Variants in ROR2 observed in about 807,000 individuals in gnomAD.
ROR2 encodes the protein tyrosine-protein kinase transmembrane receptor ROR2.
In ROR2, 33 loss-of-function variants were observed where a neutral mutation model predicts 74.9. The observed-to-expected ratio is 0.44, with a 90% CI of 0.33 to 0.59. The LOEUF (loss-of-function observed/expected upper bound fraction) is 0.59. Among genes scored for constraint, ROR2 ranks in the 20% least tolerant of loss-of-function variants. The pLI is 0.02. For missense variants in ROR2, 1,216 were observed against 1,313.8 expected, an observed-to-expected ratio of 0.93 and a Z score of 1.15; for synonymous variants, 586 against 558.7, an observed-to-expected ratio of 1.05 and a Z score of -0.69.
At chr9:91,876,112 C>T (rs938663640) in intron 1 of ROR2, among the ~76,000 whole-genome samples, 7 of 152,050 alleles carry the variant, frequency 4.6e-5, no homozygotes, top group Non-Finnish European at 7.4e-5. Context: ...GTGGCTCCCA[C>T]CTGGAATCCC....
intron 1 of ROR2, among the ~76,000 whole-genome samples, chr9:91,868,300 C>T (rs1365272739): frequency 2.0e-5 from 3 of 151,516 alleles, no homozygotes; most frequent in African/African-American, 7.3e-5. Context: ...ACAAGGTGAA[C>T]AAAAGAGAAA....
intron 1 of ROR2, among the ~76,000 whole-genome samples, chr9:91,806,652 C>T (rs374162824): frequency 8.2e-4 from 125 of 152,266 alleles, no homozygotes; most frequent in Middle Eastern, 3.4e-3. Context: ...TGCAGTGGCA[C>T]GATCTCAGCT....
At chr9:91,790,136 T>C (rs1826923335) in intron 1 of ROR2, among the ~76,000 whole-genome samples, 1 of 152,184 alleles carries the variant, frequency 6.6e-6, no homozygotes, top group African/African-American at 2.4e-5. Context: ...AGTTACATTG[T>C]AGTGTGATGC....
At chr9:91,887,947 A>T (rs1223808966) in intron 1 of ROR2, among the ~76,000 whole-genome samples, 2 of 150,664 alleles carry the variant, frequency 1.3e-5, no homozygotes, top group African/African-American at 4.9e-5. Context: ...ACGAGCCACC[A>T]CTCCCAGCTA....
At chr9:91,725,738 T>C (rs1327999460) in intron 8 of ROR2, among the ~76,000 whole-genome samples, 2 of 150,732 alleles carry the variant, frequency 1.3e-5, no homozygotes, top group Non-Finnish European at 2.9e-5. Context: ...ACCCTGCATC[T>C]CTCTCGGCCT....
At chr9:91,863,940 T>TTG (rs1829552234) in intron 1 of ROR2, among the ~76,000 whole-genome samples, 2 of 152,058 alleles carry the variant, frequency 1.3e-5, no homozygotes. Flanking sequence ...AATGACTAAT[T>TTG]TGGAGATGCT....
intron 1 of ROR2, among the ~76,000 whole-genome samples, chr9:91,845,877 C>CAAAAAAAAAAAAAAAAA (rs5899143): frequency 5.9e-5 from 2 of 33,900 alleles, no homozygotes; most frequent in Non-Finnish European, 6.8e-5. Flanking sequence ...GAATCCATCT[C>CAAAAAAAAAAAAAAAAA]AAAAAAAAAA....
intron 1 of ROR2, among the ~76,000 whole-genome samples, chr9:91,801,626 G>A (rs1463642825): frequency 3.9e-5 from 6 of 152,304 alleles, no homozygotes; most frequent in African/African-American, 1.4e-4. Flanking sequence ...CACAGCTCCT[G>A]GCCTGCATGC....
intron 1 of ROR2, among the ~76,000 whole-genome samples, chr9:91,889,438 A>G (rs1311335274): frequency 1.3e-5 from 2 of 152,196 alleles, no homozygotes; most frequent in Non-Finnish European, 1.5e-5. Context: ...GACATACTGC[A>G]TGCTAGACGT....
At chr9:91,841,459 T>A (rs1828779384) in intron 1 of ROR2, among the ~76,000 whole-genome samples, 1 of 152,226 alleles carries the variant, frequency 6.6e-6, no homozygotes, top group African/African-American at 2.4e-5. Flanking sequence ...AAAGCTGCAG[T>A]CCCTGACACA....
At chr9:91,900,109 C>A (rs1011229915) in intron 1 of ROR2, among the ~76,000 whole-genome samples, 5 of 152,208 alleles carry the variant, frequency 3.3e-5, no homozygotes, top group African/African-American at 4.8e-5. Context: ...TTAAAGCCTG[C>A]AAACTGACAG....
In ROR2 at chr9:91,917,026, C is replaced by T. The variant is rs116139649; in HGVS notation, c.97+32841G>A. Among the ~76,000 whole-genome samples the T allele has an allele frequency of 3.1e-3, 474 of 152,228 alleles. 3 individuals are homozygous for T. Among genetic ancestry groups the T allele is most frequent in the African/African-American group, 0.011 (448 of 41,532 alleles). On this transcript the variant is annotated intron_variant, in intron 1 of 8. Coordinates refer to ENST00000375708, the MANE Select transcript of ROR2 (RefSeq NM_004560.4). The stretch of plus-strand genomic sequence containing the variant: ...CCCAGCAGCTCCAAAATTAATTCCC[C>T]GTGTTTATTCACGTGTTGCTTATAT...
chr9:91,820,362 C>A lies in ROR2; in HGVS notation c.98-44544G>T, dbSNP rs533445612. 3.3e-5 allele frequency among the ~76,000 whole-genome samples: 5 copies of A among 152,264 alleles called. No individual in the cohort carries two copies. The South Asian group carries it at 6.2e-4, about 19-fold the overall frequency. ...ATCTGAGCAAGATGGACACCAGGGC[C>A]CCAGCAGAGACCAATGGAAGCAGAA... On this transcript the variant is annotated intron_variant, in intron 1 of 8. Coordinates refer to ENST00000375708, the MANE Select transcript of ROR2 (RefSeq NM_004560.4).
At chr9:91,925,968 G>A (rs955851486) in intron 1 of ROR2, among the ~76,000 whole-genome samples, 2 of 152,186 alleles carry the variant, frequency 1.3e-5, no homozygotes, top group Non-Finnish European at 2.9e-5. Context: ...CCTAGGCCTG[G>A]CGCGGTTGCT....
chr9:91,842,901 CCT>C (rs1408531851), intron 1 of ROR2, among the ~76,000 whole-genome samples: 2 of 152,244 alleles, frequency 1.3e-5, no homozygotes, highest in East Asian at 1.9e-4. Flanking sequence ...GTGTCTTCCC[CCT>C]CTCTCGAGCA....
Position 91,892,870 on chromosome 9 carries a change from G to A in ROR2, c.97+56997C>T, listed in dbSNP as rs560903588. 2.5e-4 allele frequency among the ~76,000 whole-genome samples: 38 copies of A among 152,222 alleles called. No individual in the cohort carries two copies. The South Asian group carries it at 6.6e-3, about 27-fold the overall frequency. On this transcript the variant is annotated intron_variant, in intron 1 of 8. Coordinates refer to ENST00000375708, the MANE Select transcript of ROR2 (RefSeq NM_004560.4). The stretch of plus-strand genomic sequence containing the variant: ...CTCCCAAAGTGCTGGGAATACAGGC[G>A]TGAGCCACCATGCCTGGCCACAGAT...
intron 4 of ROR2, among the ~76,000 whole-genome samples, chr9:91,746,157 A>C (rs1367832405): frequency 6.7e-6 from 1 of 150,134 alleles, no homozygotes; most frequent in Non-Finnish European, 1.5e-5. Context: ...GCTCACTGCA[A>C]CCTCCACCTC....
chr9:91,798,908 C>T (rs73513257), intron 1 of ROR2, among the ~76,000 whole-genome samples: 7,513 of 152,108 alleles, frequency 0.049, 622 homozygotes, highest in African/African-American at 0.17. Context: ...AGATACACCA[C>T]GCAGCAGAGA....
intron 1 of ROR2, among the ~76,000 whole-genome samples, chr9:91,831,052 A>G (rs1224486943): frequency 6.6e-6 from 1 of 152,096 alleles, no homozygotes; most frequent in Non-Finnish European, 1.5e-5. Context: ...ACCTGAGGTC[A>G]GGAGTTCAAG....
Sources: gnomAD v4.1 joint callset for allele counts (sites outside exome capture counted in the v4.1 genomes callset) on GRCh38, gnomAD v4.1.1 for gene constraint, MANE v1.5 for transcripts, NCBI Gene and HGNC (gene_info 2026-07-23, HGNC 2026-07-21) for gene names.